GFI1B: variants seen among roughly 807,000 people sequenced by gnomAD.
GFI1B encodes growth factor independent 1B transcriptional repressor, also known as zinc finger protein Gfi-1b.
GFI1B carries 20 observed loss-of-function variants against 35.3 expected under a neutral mutation model. The observed-to-expected ratio is 0.57, with a 90% CI of 0.40 to 0.82. GFI1B has a LOEUF of 0.82. Ranked by LOEUF, GFI1B falls within the 40% of genes least tolerant of loss-of-function variation. GFI1B has a pLI of 0.00. For synonymous variants in GFI1B, 178 were observed against 177.6 expected (o/e 1.00, Z -0.02); for missense variants, 430 against 446.3 (o/e 0.96, Z 0.33).
rs867035932 is a variant in GFI1B, at chr9:132,979,262, T to A, written c.-21+421T>A. ...CCTGGGACACTTTTTTTTTTTTTTT[T>A]TTTTTTTTTTTTGAGACAGAGTGAG... On this transcript the variant is annotated intron_variant, in intron 1 of 6. Transcript: ENST00000372122. Among the ~76,000 whole-genome samples the A allele has an allele frequency of 6.9e-3, 1,001 of 145,686 alleles. 15 individuals carry two copies. Among genetic ancestry groups the A allele is most frequent in the African/African-American group, 0.024 (948 of 39,020 alleles).
intron 1 of GFI1B, chr9:132,947,156 C>T (rs1055854619): frequency 6.6e-6 from 1 of 152,388 alleles, no homozygotes; most frequent in Non-Finnish European, 1.5e-5. Flanking sequence ...GGGCTGAGCC[C>T]TCCATAGGCG....
chr9:132,979,039 T>C, intron 1 of GFI1B, among the ~76,000 whole-genome samples, 198 bp downstream of exon 1: 1 of 152,154 alleles, frequency 6.6e-6, no homozygotes, highest in East Asian at 1.9e-4. Context: ...TGCTAGGAAT[T>C]GCGCCTTTGC....
At position 132,987,348 on chromosome 9, in the gene GFI1B, A is replaced by G; in HGVS notation, c.167A>G (p.Asp56Gly). ...ACTCTATTCCCAAACCAGTGCCTGG[A>G]CTGGACCAACCTCAAACGAGAGCCG... The part of the protein sequence containing the change: ...LSTLFPNQCL[D>G]WTNLKREPEL... Residue 56 changes from aspartate (D) to glycine (G), a missense_variant, in exon 3 of 7, where the codon GAC (aspartate) becomes GGC (glycine). Asp to Gly is a moderately conservative substitution (Grantham distance 94). Transcript: ENST00000372122. 6.2e-7 allele frequency: 1 copy of G among 1,614,226 alleles called. No homozygotes were observed.
chr9:132,955,613 T>C (rs1463559025), intron 1 of GFI1B, among the ~76,000 whole-genome samples: 1 of 152,216 alleles, frequency 6.6e-6, no homozygotes, highest in African/African-American at 2.4e-5. Flanking sequence ...TTTAAATATG[T>C]CATTCCATTG....
Position 132,988,247 on chromosome 9 carries a change from G to A in GFI1B, c.289G>A (p.Asp97Asn), listed in dbSNP as rs145562579. 2.5e-3 allele frequency: 3,975 copies of A among 1,613,980 alleles called. 104 individuals are homozygous for A. The South Asian group carries it at 0.041, about 16-fold the overall frequency. ...CCAGGATGGGGACTCTCCACTGTCCGACTCACCCCCATTCTACAAGCCTAG... is the reference window on the plus strand; with the variant it reads ...CCAGGATGGGGACTCTCCACTGTCCAACTCACCCCCATTCTACAAGCCTAG... ...RPQDGDSPLS[D>N]SPPFYKPSFS... The change falls in exon 4 of 7, where the codon GAC becomes AAC. Residue 97 changes from aspartate (D) to asparagine (N), a missense_variant. Physicochemically the swap from Asp to Asn is conservative, Grantham distance 23. Coordinates refer to ENST00000372122, the MANE Select transcript of GFI1B (RefSeq NM_001377304.1).
chr9:132,948,557 G>A (rs190887142), intron 1 of GFI1B, among the ~76,000 whole-genome samples: 33 of 152,358 alleles, frequency 2.2e-4, no homozygotes, highest in Admixed American at 5.2e-4. Flanking sequence ...AAGTTCATCC[G>A]CTTGAATTGC....
upstream of GFI1B, among the ~76,000 whole-genome samples, chr9:132,974,601 C>CAAAAAAAAAAAAAAAAAAAAA (rs11243966): frequency 2.5e-5 from 2 of 79,844 alleles, no homozygotes; most frequent in African/African-American, 1.1e-4. Context: ...GAATCCGTCT[C>CAAAAAAAAAAAAAAAAAAAAA]AAAAAAAAAA....
At chr9:132,979,724 G>GA (rs929496437) in intron 1 of GFI1B, among the ~76,000 whole-genome samples, 28 of 151,932 alleles carry the variant, frequency 1.8e-4, no homozygotes, top group Non-Finnish European at 3.2e-4. Flanking sequence ...TATTTTTGGA[G>GA]AAAAAAAACC....
chr9:132,977,341 G>A (rs1270679006), upstream of GFI1B, among the ~76,000 whole-genome samples: 1 of 152,038 alleles, frequency 6.6e-6, no homozygotes, highest in Non-Finnish European at 1.5e-5. Flanking sequence ...CTGTAGCCTG[G>A]GGCTGGGACT....
At position 132,978,855 on chromosome 9, in the gene GFI1B, G is replaced by A. The variant is rs1384196885; in HGVS notation, c.-21+14G>A. 6.6e-6 allele frequency: 1 copy of A among 152,270 alleles called. No homozygotes were observed. Among genetic ancestry groups the A allele is most frequent in the African/African-American group, 2.4e-5 (1 of 41,426 alleles). The allele number at this position is 152,270 out of a possible 1,614,324, so 9.4% of individuals were successfully genotyped here. ...AGCTCCGGACAGGTGAGTGCTGGAG[G>A]ATGCGTTTCTACGCTTTTGTTTTGA... On this transcript the variant is annotated intron_variant, in intron 1 of 6. Coordinates refer to ENST00000372122, the MANE Select transcript of GFI1B (RefSeq NM_001377304.1).
chr9:132,962,061 A>G (rs1287516833), intron 1 of GFI1B, among the ~76,000 whole-genome samples: 3 of 56,770 alleles, frequency 5.3e-5, no homozygotes, highest in Non-Finnish European at 1.1e-4. Flanking sequence ...CTACACACCT[A>G]CACTCTACAC....
chr9:132,976,814 C>T (rs1041764407), upstream of GFI1B, among the ~76,000 whole-genome samples: 7 of 151,982 alleles, frequency 4.6e-5, no homozygotes, highest in Admixed American at 1.3e-4. Flanking sequence ...CATGGTGGTG[C>T]GCCTGTAGTC....
chr9:132,986,752 C>T lies in GFI1B; in HGVS notation c.74C>T (p.Pro25Leu), dbSNP rs764276098. 55 of 1,612,032 alleles carry T rather than the reference C, an allele frequency of 3.4e-5. No individual in the cohort carries two copies. Among genetic ancestry groups the T allele is most frequent in the East Asian group, 2.0e-4 (9 of 44,866 alleles). The change falls in exon 2 of 7, where the codon CCG becomes CTG. Residue 25 changes from proline to leucine, a missense_variant. Transcript: ENST00000372122. ...YHQPRVQEDE[P>L]LWPPALTPVP... Reference sequence around the variant, plus strand: ...CAGCCCCGTGTGCAGGAAGATGAACCGCTCTGGCCTCCTGCCCTTACCCCG... The same window carrying T: ...CAGCCCCGTGTGCAGGAAGATGAACTGCTCTGGCCTCCTGCCCTTACCCCG...
intron 1 of GFI1B, chr9:132,949,649 C>G (rs537559936): frequency 1.3e-5 from 2 of 152,444 alleles, no homozygotes; most frequent in Admixed American, 1.3e-4. Flanking sequence ...CCAGCCATGG[C>G]CGTCAGCACC....
chr9:132,970,438 C>G (rs1848516105), intron 1 of GFI1B, among the ~76,000 whole-genome samples: 1 of 152,144 alleles, frequency 6.6e-6, no homozygotes, highest in Non-Finnish European at 1.5e-5. Flanking sequence ...CACACGCACG[C>G]ATGCACGCAC....
At chr9:132,960,658 G>A (rs930901517) in intron 1 of GFI1B, among the ~76,000 whole-genome samples, 1 of 151,700 alleles carries the variant, frequency 6.6e-6, no homozygotes, top group Non-Finnish European at 1.5e-5. Context: ...CACTACACCC[G>A]GATACTTTTT....
At chr9:132,990,249 G>T (rs896771750) in intron 6 of GFI1B, among the ~76,000 whole-genome samples, 1 of 146,802 alleles carries the variant, frequency 6.8e-6, no homozygotes, top group African/African-American at 2.6e-5. Flanking sequence ...TCACTCATTT[G>T]CTCATTCATT....
intron 1 of GFI1B, among the ~76,000 whole-genome samples, chr9:132,954,740 A>T (rs1190964154): frequency 9.4e-5 from 14 of 149,562 alleles, no homozygotes; most frequent in African/African-American, 3.0e-4. Flanking sequence ...TTTTTTTGAG[A>T]TGGAGTCTCA....
chr9:132,965,087 GTCTT>G, intron 1 of GFI1B, among the ~76,000 whole-genome samples: 1 of 152,200 alleles, frequency 6.6e-6, no homozygotes, highest in Non-Finnish European at 1.5e-5. Flanking sequence ...CTTCTAGAGA[GTCTT>G]TCTCTCTGTT....
Sources: allele counts gnomAD v4.1 joint callset (sites outside exome capture counted in the v4.1 genomes callset), GRCh38; gene constraint gnomAD v4.1.1; transcripts MANE v1.5; gene names NCBI Gene and HGNC (gene_info 2026-07-23, HGNC 2026-07-21).